Variants in KDELR2 observed in about 807,000 individuals in gnomAD.
The protein encoded by KDELR2 is KDEL endoplasmic reticulum protein retention receptor 2.
In KDELR2, 15 loss-of-function variants were observed where a neutral mutation model predicts 23.9. The observed-to-expected ratio is 0.63, with a 90% CI of 0.42 to 0.97. The LOEUF (loss-of-function observed/expected upper bound fraction) is 0.97. Among genes scored for constraint, KDELR2 ranks in the 50% least tolerant of loss-of-function variants. The pLI is 0.00. For synonymous variants in KDELR2, 119 were observed against 106.2 expected (o/e 1.12, Z -0.74); for missense variants, 272 against 254.6 (o/e 1.07, Z -0.46).
At position 6,465,784 on chromosome 7, in the gene KDELR2, CAT is replaced by C. The variant is rs779966308; in HGVS notation, c.604+285_604+286del. ...TAGAACAGCAATGTACAGTTTAAGT[CAT>C]GTGTCTGTGTATGCATAGAGAGGTA... On this transcript the variant is annotated intron_variant, in intron 4 of 4. Transcript: ENST00000258739. Among the ~76,000 whole-genome samples, 522 of 152,240 alleles carry C rather than the reference CAT, an allele frequency of 3.4e-3. 1 individual carries two copies. Among genetic ancestry groups the C allele is most frequent in the Middle Eastern group, 0.01 (3 of 294 alleles).
intron 4 of KDELR2, among the ~76,000 whole-genome samples, chr7:6,464,933 G>A (rs190851832): frequency 5.9e-4 from 90 of 151,646 alleles, no homozygotes; most frequent in African/African-American, 2.0e-3. Flanking sequence ...ATGGGGTTTC[G>A]CCATGTTGGT....
chr7:6,473,015 C>A (rs1785683650), intron 2 of KDELR2, among the ~76,000 whole-genome samples: 1 of 150,618 alleles, frequency 6.6e-6, no homozygotes, highest in East Asian at 1.9e-4. Context: ...TCAAGCGATC[C>A]TACCACCTTA....
chr7:6,483,693 G>T (rs1180527767), intron 1 of KDELR2, among the ~76,000 whole-genome samples: 2 of 152,220 alleles, frequency 1.3e-5, no homozygotes, highest in African/African-American at 4.8e-5. Context: ...TTCAGACACA[G>T]CAGGGCCCCG....
At chr7:6,465,631 T>G (rs1259868480) in intron 4 of KDELR2, among the ~76,000 whole-genome samples, 1 of 152,160 alleles carries the variant, frequency 6.6e-6, no homozygotes, top group African/African-American at 2.4e-5. Context: ...AGTAACGGCC[T>G]GACCACCCAT....
chr7:6,465,989 G>A (rs1785495044), intron 4 of KDELR2, 82 bp downstream of exon 4: 38 of 1,424,920 alleles, frequency 2.7e-5, no homozygotes, highest in Non-Finnish European at 3.6e-5. Flanking sequence ...ATGAGAGAGT[G>A]CCAGATTAGA....
intron 4 of KDELR2, 62 bp from the exon 5 acceptor site, chr7:6,463,237 C>T: frequency 7.4e-7 from 1 of 1,342,320 alleles, no homozygotes; most frequent in Non-Finnish European, 1.1e-6. Flanking sequence ...ACTTAGCTTC[C>T]TTCTTCCCAT....
chr7:6,473,698 T>G (rs1462813539), intron 2 of KDELR2, among the ~76,000 whole-genome samples: 2 of 152,314 alleles, frequency 1.3e-5, no homozygotes, highest in East Asian at 1.9e-4. Context: ...CACAACAGTT[T>G]AAGTAAAACT....
intron 1 of KDELR2, among the ~76,000 whole-genome samples, chr7:6,476,553 T>A (rs568938372): frequency 7.7e-4 from 117 of 152,146 alleles, no homozygotes; most frequent in Non-Finnish European, 1.4e-3. Context: ...TACAAGTAGG[T>A]GAATTTTGTG....
intron 1 of KDELR2, among the ~76,000 whole-genome samples, chr7:6,480,670 A>G (rs896771954): frequency 6.6e-6 from 1 of 152,140 alleles, no homozygotes; most frequent in African/African-American, 2.4e-5. Context: ...AAATCCTAAA[A>G]ATGAACCTTG....
intron 2 of KDELR2, among the ~76,000 whole-genome samples, chr7:6,471,499 A>G (rs1241760062): frequency 2.0e-5 from 3 of 152,052 alleles, no homozygotes; most frequent in Admixed American, 6.6e-5. Context: ...TCTTTATTTA[A>G]AAGTCTGGTG....
At chr7:6,463,572 TA>T (rs996969217) in intron 4 of KDELR2, among the ~76,000 whole-genome samples, 10 of 147,854 alleles carry the variant, frequency 6.8e-5, no homozygotes, top group African/African-American at 2.2e-4. Context: ...CCCATCTCTA[TA>T]AAAAAAAAAT....
intron 2 of KDELR2, 187 bp downstream of exon 2, chr7:6,473,997 C>G: frequency 2.2e-6 from 1 of 455,926 alleles, no homozygotes; most frequent in Non-Finnish European, 3.9e-6. Flanking sequence ...AAAATGTATG[C>G]TTACTGATAG....
chr7:6,464,195 C>G (rs1460474017), intron 4 of KDELR2, among the ~76,000 whole-genome samples: 1 of 42,176 alleles, frequency 2.4e-5, no homozygotes, highest in Non-Finnish European at 3.9e-5. Context: ...AAAACTCTGT[C>G]TCAAAAAAAA....
Position 6,483,571 on chromosome 7 carries a change from G to C in KDELR2, c.91+396C>G, listed in dbSNP as rs573364702. Among the ~76,000 whole-genome samples, 3 of 152,262 alleles carry C rather than the reference G, an allele frequency of 2.0e-5. No homozygotes were observed. The South Asian group carries it at 6.2e-4, about 32-fold the overall frequency. ...CTCCTCCCGCCCGTCCCATTGATTC[G>C]CGGGTTTCCTGCAACCCCGGGACCC... On this transcript the variant is annotated intron_variant, in intron 1 of 4. Coordinates refer to ENST00000258739, the MANE Select transcript of KDELR2 (RefSeq NM_006854.4).
rs920753761 is a variant in KDELR2 at position 6,461,249 on chromosome 7, C to G, written c.*1892G>C. ...TTGCTAAGATGTCCTCCTGGGTGAC[C>G]AAAACGGTGGTAACATAGCCAAGGT... On this transcript the variant is annotated 3_prime_UTR_variant, in exon 5 of 5. Transcript: ENST00000258739. The G allele has an allele frequency of 3.9e-5, 6 of 152,126 alleles. No homozygotes were observed. Among genetic ancestry groups the G allele is most frequent in the African/African-American group, 1.4e-4 (6 of 41,424 alleles). The allele number at this position is 152,126 out of a possible 1,614,324, so 9.4% of individuals were successfully genotyped here.
intron 1 of KDELR2, among the ~76,000 whole-genome samples, chr7:6,481,964 A>C (rs922736778): frequency 3.3e-5 from 5 of 149,516 alleles, no homozygotes; most frequent in Admixed American, 2.7e-4. Flanking sequence ...CTACCTCCTA[A>C]GGTCGTTTAT....
At chr7:6,482,611 A>C in intron 1 of KDELR2, 1 of 469,308 alleles carries the variant, frequency 2.1e-6, no homozygotes, top group Non-Finnish European at 4.4e-6. Context: ...AGATTCAGAG[A>C]TGTAAGTGTG....
chr7:6,463,589 A>G (rs549552988), intron 4 of KDELR2, among the ~76,000 whole-genome samples: 1 of 151,960 alleles, frequency 6.6e-6, no homozygotes, highest in East Asian at 1.9e-4. Context: ...AAAATTTTAA[A>G]AAGAACCAGG....
Position 6,461,396 on chromosome 7 carries a change from G to C in KDELR2, c.*1745C>G, listed in dbSNP as rs1315824237. On this transcript the variant is annotated 3_prime_UTR_variant, in exon 5 of 5. Coordinates refer to ENST00000258739, the MANE Select transcript of KDELR2 (RefSeq NM_006854.4). ...ATCAGATTTGCATGCACAAAGACAG[G>C]TGTGCGCCCCACCCACCCTGGGCTG... 2.0e-5 allele frequency: 3 copies of C among 152,086 alleles called. No individual in the cohort carries two copies. Among genetic ancestry groups the C allele is most frequent in the East Asian group, 1.9e-4 (1 of 5,172 alleles). The allele number at this position is 152,086 out of a possible 1,614,324, so 9.4% of individuals were successfully genotyped here. A position where few individuals can be genotyped will look rare whatever the true frequency, so the allele number is the denominator to read the frequency against.
Sources: allele counts gnomAD v4.1 joint callset (sites outside exome capture counted in the v4.1 genomes callset), GRCh38; gene constraint gnomAD v4.1.1; transcripts MANE v1.5; gene names NCBI Gene and HGNC (gene_info 2026-07-23, HGNC 2026-07-21).